ENTREP1: variants seen among roughly 807,000 people sequenced by gnomAD.
ENTREP1 encodes the protein Friedreich ataxia region gene X123.
chr9:69,376,209 G>T, the ENTREP1 span, among the ~76,000 whole-genome samples: 1 of 152,174 alleles, frequency 6.6e-6, no homozygotes, highest in African/African-American at 2.4e-5. Context: ...CATATACGGT[G>T]TAGCTTTTAG....
the ENTREP1 span, among the ~76,000 whole-genome samples, chr9:69,331,518 G>A: frequency 3.8e-3 from 571 of 152,230 alleles, 3 homozygotes; most frequent in African/African-American, 0.013. Context: ...AACAAAAATT[G>A]TAATACCTCT....
the ENTREP1 span, chr9:69,325,400 GCCGCCGCTCAGGAGCCGCCGCTGCCC>G: frequency 9.2e-7 from 1 of 1,087,840 alleles, no homozygotes; most frequent in South Asian, 4.3e-5. Context: ...CGCCGCTGCC[GCCGCCGCTCAGGAGCCGCCGCTGCCC>G]CCGCTGCGGC....
At chr9:69,384,263 G>A in the ENTREP1 span, among the ~76,000 whole-genome samples, 8 of 152,196 alleles carry the variant, frequency 5.3e-5, no homozygotes, top group Non-Finnish European at 8.8e-5. Flanking sequence ...AGGTATTCTT[G>A]GAGCAAATAG....
the ENTREP1 span, among the ~76,000 whole-genome samples, chr9:69,359,150 C>T: frequency 6.6e-6 from 1 of 152,216 alleles, no homozygotes; most frequent in East Asian, 1.9e-4. Context: ...AAGTGACCCG[C>T]CCGCCTCAGC....
the ENTREP1 span, among the ~76,000 whole-genome samples, chr9:69,344,251 G>A: frequency 6.6e-6 from 1 of 152,076 alleles, no homozygotes; most frequent in Non-Finnish European, 1.5e-5. Flanking sequence ...TAATGTGTAC[G>A]GTCCTATCTG....
chr9:69,338,222 A>G, the ENTREP1 span, among the ~76,000 whole-genome samples: 1 of 152,038 alleles, frequency 6.6e-6, no homozygotes, highest in Non-Finnish European at 1.5e-5. Flanking sequence ...AGCCTGTGTT[A>G]TAAGTGGCTG....
the ENTREP1 span, among the ~76,000 whole-genome samples, chr9:69,347,366 C>T: frequency 6.6e-6 from 1 of 152,198 alleles, no homozygotes; most frequent in Non-Finnish European, 1.5e-5. Flanking sequence ...TGAACTCTCC[C>T]TGCCCGTTAC....
the ENTREP1 span, among the ~76,000 whole-genome samples, chr9:69,337,714 T>G: frequency 2.6e-5 from 4 of 152,262 alleles, 1 homozygote; most frequent in Middle Eastern, 0.01. Flanking sequence ...AAATAGACAA[T>G]GCTAATGGAG....
chr9:69,370,649 CTT>C, the ENTREP1 span, among the ~76,000 whole-genome samples: 1 of 152,166 alleles, frequency 6.6e-6, no homozygotes, highest in Non-Finnish European at 1.5e-5. Context: ...TCGGGAAATG[CTT>C]TCAAGCTTGA....
chr9:69,383,713 C>G, the ENTREP1 span: 2 of 1,614,076 alleles, frequency 1.2e-6, no homozygotes, highest in South Asian at 2.2e-5. Flanking sequence ...CCTCTGGATC[C>G]CCCGCCGCCA....
At chr9:69,355,345 A>T in the ENTREP1 span, among the ~76,000 whole-genome samples, 1 of 152,184 alleles carries the variant, frequency 6.6e-6, no homozygotes, top group African/African-American at 2.4e-5. Flanking sequence ...CATATATAGA[A>T]ATGGACTCTC....
chr9:69,373,239 A>T, the ENTREP1 span, among the ~76,000 whole-genome samples: 6 of 152,278 alleles, frequency 3.9e-5, no homozygotes, highest in Admixed American at 3.3e-4. Context: ...GCATCTCTTT[A>T]TGCACAAAAA....
the ENTREP1 span, among the ~76,000 whole-genome samples, chr9:69,339,588 G>A: frequency 0.019 from 2,895 of 152,128 alleles, 76 homozygotes; most frequent in African/African-American, 0.066. Flanking sequence ...TCAGTTTCCC[G>A]AGTTTAAGGA....
the ENTREP1 span, among the ~76,000 whole-genome samples, chr9:69,340,763 ATGTGTG>A: frequency 1.3e-3 from 39 of 29,260 alleles, no homozygotes; most frequent in Middle Eastern, 0.013. Flanking sequence ...GTGTGCGTGC[ATGTGTG>A]TGTGTGTATG....
the ENTREP1 span, among the ~76,000 whole-genome samples, chr9:69,327,922 A>G: frequency 4.0e-5 from 3 of 75,334 alleles, no homozygotes; most frequent in Non-Finnish European, 9.8e-5. Context: ...CTGTATTTAT[A>G]GAACAATTAA....
chr9:69,337,358 A>C, the ENTREP1 span, among the ~76,000 whole-genome samples: 1 of 152,046 alleles, frequency 6.6e-6, no homozygotes, highest in Non-Finnish European at 1.5e-5. Context: ...TGAATATATG[A>C]CTTTTTATTG....
At chr9:69,363,647 T>G in the ENTREP1 span, among the ~76,000 whole-genome samples, 2 of 152,124 alleles carry the variant, frequency 1.3e-5, no homozygotes. Context: ...GGCTTTCCTT[T>G]GAGGGACACA....
At chr9:69,352,454 A>G in the ENTREP1 span, among the ~76,000 whole-genome samples, 3 of 152,212 alleles carry the variant, frequency 2.0e-5, no homozygotes, top group Non-Finnish European at 4.4e-5. Context: ...TTGATCCTTG[A>G]TCATTCATTC....
the ENTREP1 span, among the ~76,000 whole-genome samples, chr9:69,360,004 C>A: frequency 6.7e-6 from 1 of 150,230 alleles, no homozygotes; most frequent in East Asian, 1.9e-4. Context: ...CTTTCAACAG[C>A]CATTTGAGGT....
Sources: allele counts gnomAD v4.1 joint callset (sites outside exome capture counted in the v4.1 genomes callset), GRCh38; gene constraint gnomAD v4.1.1; transcripts MANE v1.5; gene names NCBI Gene and HGNC (gene_info 2026-07-23, HGNC 2026-07-21).